AP2B1: variants seen among roughly 807,000 people sequenced by gnomAD.
AP2B1 encodes adaptor related protein complex 2 subunit beta 1.
AP2B1 carries 23 observed loss-of-function variants against 102.0 expected under a neutral mutation model. The observed-to-expected ratio is 0.23, with a 90% confidence interval of 0.16 to 0.32. The LOEUF (loss-of-function observed/expected upper bound fraction) is 0.32. Among genes scored for constraint, AP2B1 ranks in the 10% least tolerant of loss-of-function variants. The probability of loss-of-function intolerance (pLI) is 1.00; values close to 1 mark genes in which losing one functional copy is unlikely to be tolerated. For synonymous variants in AP2B1, 381 were observed against 421.2 expected, an observed-to-expected ratio of 0.90 and a Z score of 1.17; for missense variants, 541 against 1,157.4, an observed-to-expected ratio of 0.47 and a Z score of 7.73.
rs587649956 is a variant in AP2B1, at chr17:35,686,225, C to T, written c.2454+3401C>T. 2.6e-5 allele frequency among the ~76,000 whole-genome samples: 4 copies of T among 152,292 alleles called. No individual in the cohort carries two copies. The East Asian group carries it at 7.7e-4, about 29-fold the overall frequency. ...TATACAAAGTAAAGTTAAGCTTGCT[C>T]CTACTGGGAGCCTTTCTTGAGTTTA... On this transcript the variant is annotated intron_variant, in intron 18 of 21. Coordinates refer to ENST00000610402, the MANE Select transcript of AP2B1 (RefSeq NM_001030006.2).
chr17:35,670,769 A>T, intron 14 of AP2B1, 88 bp from the exon 15 acceptor site: 1 of 1,361,250 alleles, frequency 7.3e-7, no homozygotes, highest in Non-Finnish European at 1.0e-6. Context: ...GCAACTTGGT[A>T]GAGCAATTTA....
rs1320155784 is a variant in AP2B1, at chr17:35,725,732, A to G, written c.*2033A>G. The G allele has an allele frequency of 6.6e-6, 1 of 152,614 alleles. No homozygotes were observed. Among genetic ancestry groups the G allele is most frequent in the Non-Finnish European group, 1.5e-5 (1 of 68,038 alleles). 9.5% of individuals were successfully genotyped at this position (152,614 alleles called of 1,614,324 possible). On this transcript the variant is annotated 3_prime_UTR_variant, in exon 22 of 22. Coordinates refer to ENST00000610402, the MANE Select transcript of AP2B1 (RefSeq NM_001030006.2). ...GATACAAGTAGTGCAGAAGGTTCAC[A>G]CTGCAAATAGTGTTCTCATCTCAAA...
chr17:35,608,619 A>G (rs1046020851), intron 5 of AP2B1, among the ~76,000 whole-genome samples: 33 of 152,190 alleles, frequency 2.2e-4, no homozygotes, highest in Non-Finnish European at 1.5e-5. Context: ...ACTTATGCTC[A>G]TATTTGCCCA....
intron 5 of AP2B1, among the ~76,000 whole-genome samples, chr17:35,614,575 A>G (rs1386101144): frequency 2.7e-5 from 4 of 147,336 alleles, no homozygotes; most frequent in Non-Finnish European, 4.4e-5. Flanking sequence ...CAGACTGTCT[A>G]TCACTCTCAC....
At chr17:35,608,055 G>A (rs1035036801) in intron 4 of AP2B1, 87 bp from the exon 5 acceptor site, 5 of 1,489,654 alleles carry the variant, frequency 3.4e-6, no homozygotes, top group Non-Finnish European at 3.7e-6. Flanking sequence ...AAATTAATGA[G>A]GTAATTCTTT....
intron 3 of AP2B1, among the ~76,000 whole-genome samples, chr17:35,602,536 A>G (rs1018085119): frequency 1.1e-4 from 16 of 152,264 alleles, no homozygotes; most frequent in Admixed American, 8.5e-4. Flanking sequence ...TGAAAAAATG[A>G]AAAGGAACAG....
At chr17:35,673,725 A>G (rs2075639982) in intron 16 of AP2B1, among the ~76,000 whole-genome samples, 1 of 151,984 alleles carries the variant, frequency 6.6e-6, no homozygotes, top group African/African-American at 2.4e-5. Context: ...GGAAATGATG[A>G]AAAAAAATCT....
chr17:35,653,332 C>A (rs2075136454), intron 13 of AP2B1, among the ~76,000 whole-genome samples: 1 of 152,142 alleles, frequency 6.6e-6, no homozygotes, highest in African/African-American at 2.4e-5. Flanking sequence ...AACACTTAAT[C>A]CCCTGTTTTT....
At chr17:35,670,957 C>CT (rs2075574677) in intron 15 of AP2B1, 59 bp downstream of exon 15, 1 of 1,558,114 alleles carries the variant, frequency 6.4e-7, no homozygotes. Flanking sequence ...GATGCCTTTC[C>CT]TATGTACACA....
intron 4 of AP2B1, among the ~76,000 whole-genome samples, chr17:35,606,906 ATT>A (rs752972298): frequency 5.2e-4 from 75 of 143,748 alleles, no homozygotes; most frequent in Non-Finnish European, 7.7e-4. Flanking sequence ...ATTCCCATTA[ATT>A]TTTTTTTTTT....
chr17:35,643,020 C>A (rs544210436), intron 12 of AP2B1, among the ~76,000 whole-genome samples: 86 of 151,074 alleles, frequency 5.7e-4, no homozygotes, highest in Middle Eastern at 6.8e-3. Flanking sequence ...CCCACACCCC[C>A]CACAGCCTTT....
chr17:35,689,121 A>G (rs971948390), intron 18 of AP2B1, among the ~76,000 whole-genome samples: 4 of 152,046 alleles, frequency 2.6e-5, no homozygotes, highest in Non-Finnish European at 5.9e-5. Context: ...ACCCTACTCT[A>G]TTGTTTGAAA....
At chr17:35,624,055 A>G (rs761681168) in intron 5 of AP2B1, among the ~76,000 whole-genome samples, 3 of 152,148 alleles carry the variant, frequency 2.0e-5, no homozygotes, top group Non-Finnish European at 4.4e-5. Flanking sequence ...TACATATTTC[A>G]TATTCAGACT....
At chr17:35,702,055 T>G (rs993566450) in intron 18 of AP2B1, among the ~76,000 whole-genome samples, 1 of 152,226 alleles carries the variant, frequency 6.6e-6, no homozygotes, top group African/African-American at 2.4e-5. Flanking sequence ...GAGAATATTG[T>G]GACAAATAGA....
intron 5 of AP2B1, among the ~76,000 whole-genome samples, chr17:35,618,357 T>A (rs1598059028): frequency 1.3e-5 from 2 of 152,348 alleles, no homozygotes; most frequent in South Asian, 4.1e-4. Context: ...TATTTCCTCA[T>A]AATAGTTTTG....
At chr17:35,690,074 A>G (rs187315342) in intron 18 of AP2B1, among the ~76,000 whole-genome samples, 145 of 152,132 alleles carry the variant, frequency 9.5e-4, no homozygotes, top group Non-Finnish European at 1.7e-3. Context: ...CCAGTTACAT[A>G]TGTGTTAGAC....
chr17:35,618,355 C>T (rs1452020270), intron 5 of AP2B1, among the ~76,000 whole-genome samples: 1 of 152,196 alleles, frequency 6.6e-6, no homozygotes, highest in Non-Finnish European at 1.5e-5. Flanking sequence ...TGTATTTCCT[C>T]ATAATAGTTT....
Position 35,639,773 on chromosome 17 carries a change from C to A in AP2B1, c.1437+13C>A, listed in dbSNP as rs1430102671. The A allele has an allele frequency of 5.6e-6, 9 of 1,611,442 alleles. No homozygotes were observed. The highest frequency in any genetic ancestry group is 7.6e-6 in the Non-Finnish European group (9 of 1,178,614). On this transcript the variant is annotated intron_variant, in intron 11 of 21. Transcript: ENST00000610402. ...TGAAAGCACCCAGGTAAGTTCTTGT[C>A]TCTTGTCTATCCTAGTAGTTTTAGA... is the stretch of plus-strand genomic sequence containing the variant.
chr17:35,598,913 T>C (rs1246270227), intron 3 of AP2B1, among the ~76,000 whole-genome samples: 1 of 152,250 alleles, frequency 6.6e-6, no homozygotes, highest in African/African-American at 2.4e-5. Flanking sequence ...AATACTTAGA[T>C]GTTACTTGCC....
Sources: gnomAD v4.1 joint callset for allele counts (sites outside exome capture counted in the v4.1 genomes callset) on GRCh38, gnomAD v4.1.1 for gene constraint, MANE v1.5 for transcripts, NCBI Gene and HGNC (gene_info 2026-07-23, HGNC 2026-07-21) for gene names.